Variants in SVOP observed in about 807,000 individuals in gnomAD.
SVOP encodes synaptic vesicle 2-related protein.
Under a neutral mutation model 69.1 loss-of-function variants are expected in SVOP, and 17 were observed. The ratio of observed to expected loss-of-function variants is 0.25; its 90% CI spans 0.17 to 0.37. The LOEUF is 0.37. Among genes scored for constraint, SVOP ranks in the 10% least tolerant of loss-of-function variants. The pLI, the probability that SVOP is intolerant of heterozygous loss-of-function variation, is 1.00. For missense variants in SVOP, 435 were observed against 597.5 expected, an observed-to-expected ratio of 0.73 and a Z score of 2.84; for synonymous variants, 238 against 238.6, an observed-to-expected ratio of 1.00 and a Z score of 0.02.
At chr12:108,936,554 C>T (rs927599298) in intron 10 of SVOP, among the ~76,000 whole-genome samples, 1 of 152,152 alleles carries the variant, frequency 6.6e-6, no homozygotes, top group Admixed American at 6.5e-5. Flanking sequence ...CAGCTCATTG[C>T]AGCCTCAACC....
chr12:108,943,963 C>A (rs576563841), intron 7 of SVOP, among the ~76,000 whole-genome samples: 1 of 151,966 alleles, frequency 6.6e-6, no homozygotes, highest in African/African-American at 2.4e-5. Flanking sequence ...CTCACTGCAA[C>A]TTCCACCTCC....
chr12:108,918,119 A>C lies in SVOP; in HGVS notation c.1274T>G (p.Val425Gly), dbSNP rs1184966993. 1 of 1,565,836 alleles carries C rather than the reference A, an allele frequency of 6.4e-7. No homozygotes were observed. The highest frequency in any genetic ancestry group is 1.4e-5 in the African/African-American group (1 of 73,698). The stretch of plus-strand genomic sequence containing the variant: ...TGCAATGAAGAGTAACAGAGTGAGC[A>C]CATTTCTAGGAGGAGGATAAAGGCA... ...LLLFICVGRN[V>G]LTLLLFIARA... Residue 425 changes from valine to glycine, a missense_variant, in exon 14 of 16, where the codon GTG (valine) becomes GGG (glycine). Coordinates refer to ENST00000610966, the MANE Select transcript of SVOP (RefSeq NM_018711.5).
rs181581584 is a variant in SVOP at position 108,977,640 on chromosome 12, C to T, written c.283-144G>A. ...GTGCCCTGCTGCACATCAAACCACACTCAAAGCTCCAGCAGTTAAAACCAT... is the reference window on the plus strand; with the variant it reads ...GTGCCCTGCTGCACATCAAACCACATTCAAAGCTCCAGCAGTTAAAACCAT... On this transcript the variant is annotated intron_variant, in intron 3 of 15. Transcript: ENST00000610966. 562 of 554,906 alleles carry T rather than the reference C, an allele frequency of 1.0e-3. 6 individuals carry two copies. The Admixed American group carries it at 0.011, about 11-fold the overall frequency. The allele number at this position is 554,906 out of a possible 1,614,324, so 34.4% of individuals were successfully genotyped here.
intron 6 of SVOP, among the ~76,000 whole-genome samples, chr12:108,958,195 G>T (rs2039996350): frequency 6.6e-6 from 1 of 152,042 alleles, no homozygotes; most frequent in South Asian, 2.1e-4. Context: ...ATAGCGAGGG[G>T]GTCTAGCTAT....
intron 1 of SVOP, among the ~76,000 whole-genome samples, chr12:109,017,943 T>A (rs937782291): frequency 4.6e-5 from 7 of 152,206 alleles, no homozygotes; most frequent in African/African-American, 1.7e-4. Context: ...TCATTTAAGT[T>A]TAAATTTAAA....
At chr12:108,962,746 C>T (rs945432379) in intron 5 of SVOP, among the ~76,000 whole-genome samples, 2 of 152,124 alleles carry the variant, frequency 1.3e-5, no homozygotes, top group Non-Finnish European at 2.9e-5. Flanking sequence ...CCGGGGATCA[C>T]TTGAGGCCAG....
intron 1 of SVOP, 72 bp downstream of exon 1, chr12:109,020,762 C>CCG (rs1555254156): frequency 2.6e-6 from 1 of 379,680 alleles, no homozygotes; most frequent in Non-Finnish European, 5.2e-6. Context: ...GTACCCCCCC[C>CCG]CACCCCCCTT....
intron 5 of SVOP, among the ~76,000 whole-genome samples, chr12:108,964,126 A>G (rs2040032211): frequency 6.6e-6 from 1 of 152,112 alleles, no homozygotes; most frequent in Admixed American, 6.5e-5. Flanking sequence ...AGCTCGAGGC[A>G]AAAGGATCAC....
Position 108,968,088 on chromosome 12 carries a change from T to A in SVOP, c.453+4317A>T, listed in dbSNP as rs540237093. Among the ~76,000 whole-genome samples the A allele has an allele frequency of 3.9e-5, 6 of 152,324 alleles. 1 individual carries two copies. The South Asian group carries it at 1.2e-3, about 32-fold the overall frequency. On this transcript the variant is annotated intron_variant, in intron 5 of 15. Coordinates refer to ENST00000610966, the MANE Select transcript of SVOP (RefSeq NM_018711.5). ...TTTCCAGGTCAACAAAGAACACTCA[T>A]CAGGCAGTTGCTGCTCTGGAGAGGA...
At chr12:109,015,809 A>ACAAAG (rs1186931413) in intron 1 of SVOP, among the ~76,000 whole-genome samples, 1 of 152,086 alleles carries the variant, frequency 6.6e-6, no homozygotes, top group African/African-American at 2.4e-5. Context: ...ACAAAACAAA[A>ACAAAG]CAAAAAAGTG....
rs1449551551 is a variant in SVOP, at chr12:108,911,110, C to A, written c.*1425G>T. 1 of 152,216 alleles carries A rather than the reference C, an allele frequency of 6.6e-6. No individual in the cohort carries two copies. Among genetic ancestry groups the A allele is most frequent in the Non-Finnish European group, 1.5e-5 (1 of 68,052 alleles). 9.4% of individuals were successfully genotyped at this position (152,216 alleles called of 1,614,324 possible). A position where few individuals can be genotyped will look rare whatever the true frequency, so the allele number is the denominator to read the frequency against. On this transcript the variant is annotated 3_prime_UTR_variant, in exon 16 of 16. Transcript: ENST00000610966. ...GACCAACTCAAAACCAACTGGCCTC[C>A]CACTGCTTCCTTTGAAAACATATAC...
chr12:108,938,801 CAG>C, intron 9 of SVOP, 24 bp downstream of exon 9: 1 of 1,613,892 alleles, frequency 6.2e-7, no homozygotes, highest in South Asian at 1.1e-5. Context: ...ACGCACATTG[CAG>C]AGTCTATTGG....
chr12:108,983,780 CT>C lies in SVOP; in HGVS notation c.36-20del, dbSNP rs1168275975. 7.5e-6 allele frequency: 3 copies of C among 398,666 alleles called. No homozygotes were observed. Among genetic ancestry groups the C allele is most frequent in the African/African-American group, 6.2e-5 (3 of 48,650 alleles). 24.7% of individuals were successfully genotyped at this position (398,666 alleles called of 1,614,324 possible). On this transcript the variant is annotated intron_variant, in intron 1 of 15. Coordinates refer to ENST00000610966, the MANE Select transcript of SVOP (RefSeq NM_018711.5). ...CACAACCCTAGAGAACAGAACAAAT[CT>C]GGTCAAGATGGCTAAAGCTTCCCCC...
chr12:108,930,777 A>G (rs2039812584), intron 11 of SVOP, among the ~76,000 whole-genome samples: 1 of 152,184 alleles, frequency 6.6e-6, no homozygotes, highest in Admixed American at 6.5e-5. Context: ...TTGGCACAAG[A>G]GTAGATTACA....
intron 2 of SVOP, among the ~76,000 whole-genome samples, chr12:108,980,288 C>T (rs1039665348): frequency 2.6e-5 from 4 of 152,206 alleles, no homozygotes; most frequent in South Asian, 4.1e-4. Context: ...TGGTGAAATC[C>T]GAATAAAGTC....
At chr12:109,014,311 G>A (rs908877585) in intron 1 of SVOP, among the ~76,000 whole-genome samples, 15 of 152,050 alleles carry the variant, frequency 9.9e-5, no homozygotes, top group Admixed American at 2.0e-4. Flanking sequence ...CACTGCACCC[G>A]GCCAAAATGT....
intron 11 of SVOP, among the ~76,000 whole-genome samples, chr12:108,933,459 T>C (rs2039835109): frequency 6.6e-6 from 1 of 151,896 alleles, no homozygotes; most frequent in Non-Finnish European, 1.5e-5. Flanking sequence ...AGTCAGATCA[T>C]CTGAGGTCAG....
chr12:109,017,602 T>A (rs2040374573), intron 1 of SVOP, among the ~76,000 whole-genome samples: 1 of 152,112 alleles, frequency 6.6e-6, no homozygotes, highest in Non-Finnish European at 1.5e-5. Flanking sequence ...CAGGCTGGAG[T>A]GCAGTGGCAC....
chr12:108,984,721 T>G (rs2137439386), intron 1 of SVOP, among the ~76,000 whole-genome samples: 1 of 152,276 alleles, frequency 6.6e-6, no homozygotes, highest in African/African-American at 2.4e-5. Flanking sequence ...AGTTTCTTCA[T>G]CTGGGACTCC....
Sources: gnomAD v4.1 joint callset for allele counts (sites outside exome capture counted in the v4.1 genomes callset) on GRCh38, gnomAD v4.1.1 for gene constraint, MANE v1.5 for transcripts, NCBI Gene and HGNC (gene_info 2026-07-23, HGNC 2026-07-21) for gene names.